Variants in RPS19 observed in about 807,000 individuals in gnomAD.
RPS19 encodes ribosomal protein S19, also known as small ribosomal subunit protein eS19.
Under a neutral mutation model 20.3 loss-of-function variants are expected in RPS19, and 1 was observed. The observed-to-expected ratio is 0.05, with a 90% CI of 0.02 to 0.23. The LOEUF (loss-of-function observed/expected upper bound fraction) is 0.23. Among genes scored for constraint, RPS19 ranks in the 10% least tolerant of loss-of-function variants. The pLI is 1.00. For synonymous variants in RPS19, 87 were observed against 74.8 expected (o/e 1.16, Z -0.84); for missense variants, 111 against 192.7 (o/e 0.58, Z 2.51).
rs782026875 is a variant in RPS19 at position 41,868,998 on chromosome 19, G to A, written c.173-33G>A. On this transcript the variant is annotated intron_variant, in intron 3 of 5. Transcript: ENST00000598742. ...ATTGTTTACCTGAGACCTTGATCAA[G>A]ACCCTTAAATCTCCCTCTCACACTA... 3.1e-6 allele frequency: 5 copies of A among 1,607,460 alleles called. No homozygotes were observed. The South Asian group carries it at 5.5e-5, about 18-fold the overall frequency.
At position 41,861,014 on chromosome 19, in the gene RPS19, C is replaced by T. The variant is rs1035338195; in HGVS notation, c.72-98C>T. 3.0e-5 allele frequency: 34 copies of T among 1,131,184 alleles called. No homozygotes were observed. In the Admixed American group the frequency reaches 3.5e-4, roughly 12 times the overall value. 70.1% of individuals were successfully genotyped at this position (1,131,184 alleles called of 1,614,324 possible). On this transcript the variant is annotated intron_variant, in intron 2 of 5. Transcript: ENST00000598742. ...TCCGGTTCCAGCCTCTCTTTGTACTCTGGGCACAGCATAGTTGTGTTGAGG... is the reference window on the plus strand; with the variant it reads ...TCCGGTTCCAGCCTCTCTTTGTACTTTGGGCACAGCATAGTTGTGTTGAGG...
At chr19:41,861,876 A>G (rs1303934038) in intron 3 of RPS19, among the ~76,000 whole-genome samples, 2 of 152,140 alleles carry the variant, frequency 1.3e-5, no homozygotes, top group Admixed American at 6.5e-5. Context: ...TCTCTTTTCA[A>G]TCTTCCAATA....
At chr19:41,862,258 A>G (rs1555839423) in intron 3 of RPS19, among the ~76,000 whole-genome samples, 3 of 152,178 alleles carry the variant, frequency 2.0e-5, no homozygotes, top group East Asian at 3.8e-4. Flanking sequence ...TGTGCCTCAA[A>G]TGTCTATTGG....
chr19:41,869,847 C>T, intron 5 of RPS19, 94 bp downstream of exon 5: 3 of 1,331,544 alleles, frequency 2.3e-6, no homozygotes, highest in Non-Finnish European at 3.2e-6. Context: ...ATTTCCTTCT[C>T]TGGAGGGCAC....
chr19:41,860,799 G>A lies in RPS19; in HGVS notation c.25G>A (p.Val9Met), dbSNP rs1555839026. The A allele has an allele frequency of 1.2e-6, 2 of 1,614,032 alleles. No individual in the cohort carries two copies. Among genetic ancestry groups the A allele is most frequent in the Non-Finnish European group, 8.5e-7 (1 of 1,179,868 alleles). MPGVTVKDVNQQEFVRALA... is the reference protein window; with the variant it reads MPGVTVKDMNQQEFVRALA... ...GATGCCTGGAGTTACTGTAAAAGAC[G>A]TGAACCAGCAGGAGTTCGTCAGAGC... The change falls in exon 2 of 6, where the codon GTG becomes ATG. Residue 9 changes from valine (V) to methionine (M), a missense_variant. Val to Met is a conservative substitution (Grantham distance 21). Transcript: ENST00000598742.
At chr19:41,871,323 AC>A (rs61762299) in intron 5 of RPS19, 27 bp from the exon 6 acceptor site, 67 of 1,613,020 alleles carry the variant, frequency 4.2e-5, no homozygotes, top group Non-Finnish European at 4.7e-5. Context: ...CCCTTGACTA[AC>A]TTTTATTCTT....
At chr19:41,868,728 G>A (rs967344955) in intron 3 of RPS19, among the ~76,000 whole-genome samples, 5 of 152,180 alleles carry the variant, frequency 3.3e-5, no homozygotes, top group African/African-American at 1.2e-4. Context: ...GATGGTCACA[G>A]CTAGGCTCCA....
At chr19:41,868,665 G>T (rs1233683403) in intron 3 of RPS19, among the ~76,000 whole-genome samples, 3 of 152,144 alleles carry the variant, frequency 2.0e-5, no homozygotes, top group Non-Finnish European at 4.4e-5. Flanking sequence ...GACTGAGGTG[G>T]CCCGGAGAGT....
intron 3 of RPS19, among the ~76,000 whole-genome samples, chr19:41,861,900 A>G (rs1243609037): frequency 1.3e-5 from 2 of 152,236 alleles, no homozygotes; most frequent in African/African-American, 4.8e-5. Context: ...ATTTATGTAC[A>G]GTCCCTGACT....
At chr19:41,863,842 C>CTTTTT (rs3035799) in intron 3 of RPS19, 1 of 117,154 alleles carries the variant, frequency 8.5e-6, no homozygotes, top group East Asian at 2.4e-4. Flanking sequence ...CCCGGACAGG[C>CTTTTT]TTTTTTTTTT....
At chr19:41,861,374 T>C in intron 3 of RPS19, 162 bp downstream of exon 3, 2 of 651,196 alleles carry the variant, frequency 3.1e-6, no homozygotes, top group East Asian at 5.5e-5. Context: ...GATAACTTGG[T>C]ACTCCAAGTT....
intron 2 of RPS19, 104 bp downstream of exon 2, chr19:41,860,949 G>A: frequency 2.6e-6 from 3 of 1,170,292 alleles, no homozygotes; most frequent in Non-Finnish European, 3.9e-6. Context: ...GCTTGTTTGG[G>A]GCCTCCGTGG....
intron 3 of RPS19, among the ~76,000 whole-genome samples, chr19:41,865,507 G>A (rs1466387175): frequency 1.3e-5 from 2 of 152,146 alleles, no homozygotes; most frequent in Non-Finnish European, 2.9e-5. Context: ...CCCTCCTGAG[G>A]AGGAACGGTG....
chr19:41,860,742 G>A, intron 1 of RPS19, 33 bp from the exon 2 acceptor site: 1 of 1,538,354 alleles, frequency 6.5e-7, no homozygotes, highest in Non-Finnish European at 9.0e-7. Context: ...TCTCTGCCAG[G>A]CCTGTGTTCA....
chr19:41,860,668 G>C, intron 1 of RPS19, 107 bp from the exon 2 acceptor site: 1 of 886,428 alleles, frequency 1.1e-6, no homozygotes, highest in Non-Finnish European at 1.9e-6. Flanking sequence ...GTAACGGGGG[G>C]TACCACGGTT....
At position 41,871,487 on chromosome 19, in the gene RPS19, G is replaced by A. The variant is rs1473163059; in HGVS notation, c.*110G>A. On this transcript the variant is annotated 3_prime_UTR_variant, in exon 6 of 6. Coordinates refer to ENST00000598742, the MANE Select transcript of RPS19 (RefSeq NM_001022.4). ...GCTGGAGTGCAGTGGCGCCATCTCA[G>A]CTCACTGCAATCTCCGCCTTCTGGG... The A allele has an allele frequency of 7.7e-6, 7 of 914,012 alleles. No homozygotes were observed. In the African/African-American group the frequency reaches 1.2e-4, roughly 15 times the overall value. 56.6% of individuals were successfully genotyped at this position (914,012 alleles called of 1,614,324 possible).
At chr19:41,864,272 G>A (rs1555839968) in intron 3 of RPS19, 1 of 152,372 alleles carries the variant, frequency 6.6e-6, no homozygotes, top group Admixed American at 6.5e-5. Flanking sequence ...CTTCTTGTAG[G>A]TTGGAGGCTG....
At chr19:41,871,100 T>C (rs1161357784) in intron 5 of RPS19, among the ~76,000 whole-genome samples, 3 of 152,048 alleles carry the variant, frequency 2.0e-5, no homozygotes, top group Non-Finnish European at 2.9e-5. Flanking sequence ...TGACCTCAGG[T>C]GATCCACCTG....
chr19:41,860,404 A>G (rs1419974025), intron 1 of RPS19, 115 bp downstream of exon 1: 7 of 220,588 alleles, frequency 3.2e-5, no homozygotes, highest in Non-Finnish European at 5.4e-5. Flanking sequence ...CCCGCCCCCT[A>G]GAGCCGCGGC....
Sources: gnomAD v4.1 joint callset for allele counts (sites outside exome capture counted in the v4.1 genomes callset) on GRCh38, gnomAD v4.1.1 for gene constraint, MANE v1.5 for transcripts, NCBI Gene and HGNC (gene_info 2026-07-23, HGNC 2026-07-21) for gene names.